The following WDR41 variants were observed in gnomAD, a reference collection of about 807,000 sequenced individuals.
WDR41 encodes WD repeat-containing protein 41.
WDR41 carries 63 observed loss-of-function variants against 69.3 expected under a neutral mutation model. The ratio of observed to expected loss-of-function variants is 0.91; its 90% confidence interval spans 0.74 to 1.12. WDR41 has a LOEUF of 1.12. WDR41 is among the 50% of genes most tolerant of loss of function. WDR41 has a pLI of 0.00. For missense variants in WDR41, 543 were observed against 534.5 expected (o/e 1.02, Z -0.16); for synonymous variants, 185 against 192.1 (o/e 0.96, Z 0.31).
intron 1 of WDR41, among the ~76,000 whole-genome samples, chr5:77,607,825 T>C (rs1035299398): frequency 1.3e-5 from 2 of 152,278 alleles, no homozygotes; most frequent in African/African-American, 2.4e-5. Flanking sequence ...TGACTTTGTA[T>C]ACATTTTAAG....
At chr5:77,580,816 C>T (rs987225538) in intron 1 of WDR41, among the ~76,000 whole-genome samples, 39 of 151,706 alleles carry the variant, frequency 2.6e-4, no homozygotes, top group African/African-American at 4.3e-4. Flanking sequence ...ATTAGCCAGG[C>T]GTGGTGGTGG....
In WDR41 at chr5:77,560,619, C is replaced by T. The variant is rs75048230; in HGVS notation, c.42+59860G>A. Among the ~76,000 whole-genome samples, 5 of 151,220 alleles carry T rather than the reference C, an allele frequency of 3.3e-5. No homozygotes were observed. In the East Asian group the frequency reaches 9.6e-4, roughly 29 times the overall value. ...TGAATATAAAAACTTTGTAAATTGG[C>T]AAAAAGAAAAAAAAAGTCCTTTGCG... On this transcript the variant is annotated intron_variant, in intron 1 of 5. Transcript: ENST00000509971.
At chr5:77,610,535 A>G (rs1375523568) in intron 1 of WDR41, among the ~76,000 whole-genome samples, 3 of 151,880 alleles carry the variant, frequency 2.0e-5, no homozygotes. Flanking sequence ...TCAACCCAGA[A>G]TTTCATATCC....
intron 1 of WDR41, among the ~76,000 whole-genome samples, chr5:77,599,434 A>G (rs569635423): frequency 8.5e-5 from 13 of 152,154 alleles, no homozygotes; most frequent in African/African-American, 3.1e-4. Context: ...TCCTGACCTC[A>G]GGTGATCTGC....
intron 1 of WDR41, among the ~76,000 whole-genome samples, chr5:77,544,228 CA>C (rs141779548): frequency 0.23 from 35,073 of 151,842 alleles, 4,828 homozygotes; most frequent in Non-Finnish European, 0.31. Context: ...ACCTATAAAA[CA>C]AAAACACAAT....
Position 77,619,730 on chromosome 5 carries a change from GA to G in WDR41, c.42+748del, listed in dbSNP as rs556844502. Among the ~76,000 whole-genome samples, 280 of 152,092 alleles carry G rather than the reference GA, an allele frequency of 1.8e-3. 2 individuals carry two copies. Among genetic ancestry groups the G allele is most frequent in the Non-Finnish European group, 2.6e-3 (176 of 68,018 alleles). On this transcript the variant is annotated intron_variant, in intron 1 of 5. Transcript: ENST00000509971. ...AAGCAGAGGACTAGAGCTAGGAAAGGAAAAGGGGTGTTTTTTGTTTTTTTGT... is the reference window on the plus strand; with the variant it reads ...AAGCAGAGGACTAGAGCTAGGAAAGGAAAGGGGTGTTTTTTGTTTTTTTGT...
chr5:77,537,228 G>T (rs866683425), intron 1 of WDR41, among the ~76,000 whole-genome samples: 1 of 152,122 alleles, frequency 6.6e-6, no homozygotes, highest in African/African-American at 2.4e-5. Flanking sequence ...CATTGCGTTC[G>T]GAAAATGTGA....
chr5:77,533,966 A>G (rs1188114872), intron 1 of WDR41, among the ~76,000 whole-genome samples: 1 of 152,158 alleles, frequency 6.6e-6, no homozygotes, highest in Non-Finnish European at 1.5e-5. Context: ...CACCAACCAA[A>G]TAAGCTTCTA....
intron 1 of WDR41, among the ~76,000 whole-genome samples, chr5:77,505,558 A>T (rs1561209198): frequency 6.6e-6 from 1 of 152,218 alleles, no homozygotes; most frequent in Admixed American, 6.5e-5. Context: ...TATGGAACCA[A>T]AAAAGAGCCC....
At chr5:77,513,069 T>C (rs1802234102) in intron 1 of WDR41, among the ~76,000 whole-genome samples, 1 of 152,210 alleles carries the variant, frequency 6.6e-6, no homozygotes, top group Non-Finnish European at 1.5e-5. Flanking sequence ...GACGCTAAAA[T>C]AAACTTAAGT....
intron 12 of WDR41, among the ~76,000 whole-genome samples, chr5:77,434,924 A>G (rs1360739872): frequency 6.6e-6 from 1 of 152,196 alleles, no homozygotes; most frequent in Non-Finnish European, 1.5e-5. Flanking sequence ...AACCTTTTTA[A>G]TGAGTTCCTA....
At chr5:77,543,382 C>T (rs1427784540) in intron 1 of WDR41, among the ~76,000 whole-genome samples, 2 of 151,240 alleles carry the variant, frequency 1.3e-5, no homozygotes, top group African/African-American at 2.5e-5. Context: ...AAAGGCAAAG[C>T]CCAATGTAAG....
intron 1 of WDR41, among the ~76,000 whole-genome samples, chr5:77,567,663 T>TAA (rs60723638): frequency 0.054 from 5,762 of 106,260 alleles, 399 homozygotes; most frequent in African/African-American, 0.17. Flanking sequence ...AACCAAATAG[T>TAA]AAAAAAAAAA....
chr5:77,470,255 T>C (rs1239151163), intron 2 of WDR41, among the ~76,000 whole-genome samples: 7 of 151,742 alleles, frequency 4.6e-5, no homozygotes, highest in African/African-American at 1.7e-4. Context: ...ACCAGGCCTG[T>C]CTTAAAAGAG....
intron 4 of WDR41, 115 bp from the exon 5 acceptor site, chr5:77,459,239 C>A: frequency 1.3e-6 from 1 of 741,668 alleles, no homozygotes; most frequent in Non-Finnish European, 2.2e-6. Context: ...TTAAATCAAA[C>A]ATAAAATATT....
At chr5:77,491,251 C>A in intron 1 of WDR41, 1 of 332,250 alleles carries the variant, frequency 3.0e-6, no homozygotes, top group South Asian at 2.2e-5. Context: ...GAGCACCTTG[C>A]CCCACTCCTG....
At chr5:77,620,569 C>G (rs1267685225) in exon 1 of WDR41, 1 of 451,864 alleles carries the variant, frequency 2.2e-6, no homozygotes, top group Non-Finnish European at 4.5e-6. Flanking sequence ...TGTGTACCTG[C>G]GCTCACCTGA....
intron 1 of WDR41, among the ~76,000 whole-genome samples, chr5:77,573,184 G>A (rs984535857): frequency 5.9e-5 from 9 of 151,938 alleles, no homozygotes; most frequent in Admixed American, 1.3e-4. Context: ...GAAACTAATG[G>A]TATATTAAGA....
chr5:77,520,349 C>G (rs1802354172), intron 1 of WDR41, among the ~76,000 whole-genome samples: 2 of 152,068 alleles, frequency 1.3e-5, no homozygotes, highest in Non-Finnish European at 2.9e-5. Flanking sequence ...AAGATCTTTT[C>G]CAGCATTAAC....
Sources: allele counts gnomAD v4.1 joint callset (sites outside exome capture counted in the v4.1 genomes callset), GRCh38; gene constraint gnomAD v4.1.1; transcripts MANE v1.5; gene names NCBI Gene and HGNC (gene_info 2026-07-23, HGNC 2026-07-21).